The following MAL2 variants were observed in gnomAD, a reference collection of about 807,000 sequenced individuals.
MAL2 encodes protein MAL2.
In MAL2, 17 loss-of-function variants were observed where a neutral mutation model predicts 18.1. The observed-to-expected ratio is 0.94, with a 90% CI of 0.64 to 1.41. MAL2 has a LOEUF of 1.41. Ranked by LOEUF, MAL2 falls within the 40% of genes most tolerant of loss-of-function variation. The pLI is 0.00. For synonymous variants in MAL2, 102 were observed against 102.3 expected, an observed-to-expected ratio of 1.00 and a Z score of 0.02; for missense variants, 222 against 231.9, an observed-to-expected ratio of 0.96 and a Z score of 0.28.
intron 2 of MAL2, among the ~76,000 whole-genome samples, chr8:119,233,105 A>G (rs1817771675): frequency 6.6e-6 from 1 of 152,228 alleles, no homozygotes; most frequent in Non-Finnish European, 1.5e-5. Context: ...GTAGAAATAA[A>G]GATGTTCTTT....
Position 119,243,420 on chromosome 8 carries a change from T to C in MAL2, c.463T>C (p.Phe155Leu), listed in dbSNP as rs751516429. The C allele has an allele frequency of 1.3e-6, 2 of 1,589,578 alleles. No individual in the cohort carries two copies. Among genetic ancestry groups the C allele is most frequent in the South Asian group, 2.3e-5 (2 of 87,170 alleles). The change falls in exon 4 of 4, where the codon TTT becomes CTT. Residue 155 changes from phenylalanine (F) to leucine (L), a missense_variant. Transcript: ENST00000614891. Reference sequence around the variant, plus strand: ...ATTTTTGTTTCTTTTTTCTTAGATTTTTGCCTTTATGACGACAGCTTGTTA... The same window carrying C: ...ATTTTTGTTTCTTTTTTCTTAGATTCTTGCCTTTATGACGACAGCTTGTTA... Reference protein sequence around the residue: ...QYNINVAASIFAFMTTACYGC... With the variant: ...QYNINVAASILAFMTTACYGC...
intron 2 of MAL2, among the ~76,000 whole-genome samples, chr8:119,226,326 G>A (rs1234574288): frequency 6.6e-6 from 1 of 151,892 alleles, no homozygotes; most frequent in Non-Finnish European, 1.5e-5. Context: ...TAAGGTGTAA[G>A]GAAGGGATCC....
intron 2 of MAL2, among the ~76,000 whole-genome samples, chr8:119,239,417 A>T (rs1021626882): frequency 6.6e-6 from 1 of 151,624 alleles, no homozygotes. Context: ...CAGCCATCCC[A>T]TTACTGGGTC....
At chr8:119,217,700 G>T (rs1817380380) in intron 1 of MAL2, among the ~76,000 whole-genome samples, 1 of 152,156 alleles carries the variant, frequency 6.6e-6, no homozygotes, top group South Asian at 2.1e-4. Context: ...TTTCTTCACA[G>T]TGTGTACTCT....
intron 2 of MAL2, among the ~76,000 whole-genome samples, chr8:119,236,973 A>G (rs975885704): frequency 7.3e-4 from 110 of 151,558 alleles, no homozygotes; most frequent in African/African-American, 2.6e-3. Flanking sequence ...AGAGACACAA[A>G]AAACCCTTCA....
At chr8:119,215,971 T>A (rs1183115307) in intron 1 of MAL2, among the ~76,000 whole-genome samples, 4 of 152,212 alleles carry the variant, frequency 2.6e-5, no homozygotes, top group Non-Finnish European at 1.5e-5. Context: ...ATGCGAATTG[T>A]ATGTAAAATA....
Position 119,231,274 on chromosome 8 carries a change from C to T in MAL2, c.304-8891C>T, listed in dbSNP as rs192969214. Among the ~76,000 whole-genome samples the T allele has an allele frequency of 1.7e-3, 259 of 152,282 alleles. 1 individual carries two copies. Among genetic ancestry groups the T allele is most frequent in the African/African-American group, 5.0e-3 (208 of 41,556 alleles). On this transcript the variant is annotated intron_variant, in intron 2 of 3. Coordinates refer to ENST00000614891, the MANE Select transcript of MAL2 (RefSeq NM_052886.3). ...GTCTCTCTCTCCTGACCTCATGATCCGCCCGCCTTGACCTCCCAAAGTGCT... is the reference window on the plus strand; with the variant it reads ...GTCTCTCTCTCCTGACCTCATGATCTGCCCGCCTTGACCTCCCAAAGTGCT...
intron 3 of MAL2, 114 bp from the exon 4 acceptor site, chr8:119,243,303 G>A: frequency 1.7e-6 from 1 of 591,716 alleles, no homozygotes; most frequent in Non-Finnish European, 2.7e-6. Flanking sequence ...TTTTGTAAGT[G>A]TCGAAGTATC....
chr8:119,208,602 AT>A lies in MAL2; in HGVS notation c.132del (p.Leu45CysfsTer29). 1 of 1,341,456 alleles carries A rather than the reference AT, an allele frequency of 7.5e-7. No individual in the cohort carries two copies. The highest frequency in any genetic ancestry group is 2.0e-5 in the South Asian group (1 of 50,362). The allele number at this position is 1,341,456 out of a possible 1,614,324, so 83.1% of individuals were successfully genotyped here. A position where few individuals can be genotyped will look rare whatever the true frequency, so the allele number is the denominator to read the frequency against. ...TYSGAFVCLEILFGGLVWILV... is the reference protein window; with the variant it reads ...TYSGAFVCLEXLFGGLVWILV... The stretch of plus-strand genomic sequence containing the variant: ...CTCGGGCGCCTTCGTCTGCCTGGAG[AT>A]TGTAAGTGGGGCCGCCGGAGCGAGG... On this transcript the variant is annotated frameshift_variant and splice_region_variant, in exon 1 of 4. Transcript: ENST00000614891. LOFTEE classifies it high-confidence loss of function. The surrounding 1 kb of genome is among the most constrained non-coding windows in gnomAD (Gnocchi z 4.3).
intron 2 of MAL2, among the ~76,000 whole-genome samples, chr8:119,229,072 G>A (rs1817654032): frequency 1.3e-5 from 2 of 152,106 alleles, no homozygotes; most frequent in East Asian, 3.9e-4. Flanking sequence ...CCAGGTATGG[G>A]ATGGTTGATG....
chr8:119,227,365 TAAAAG>T lies in MAL2; in HGVS notation c.303+5610_303+5614del, dbSNP rs539278924. 1.8e-3 allele frequency among the ~76,000 whole-genome samples: 270 copies of T among 152,028 alleles called. 1 individual carries two copies. Among genetic ancestry groups the T allele is most frequent in the East Asian group, 1.4e-3 (7 of 5,168 alleles). On this transcript the variant is annotated intron_variant, in intron 2 of 3. Transcript: ENST00000614891. Reference sequence around the variant, plus strand: ...GGGAGATAACACTTGTAAAAGAAAATAAAAGAGGAAGTAAGATCAGGAAGAAAACC... The same window carrying T: ...GGGAGATAACACTTGTAAAAGAAAATAGGAAGTAAGATCAGGAAGAAAACC...
At chr8:119,235,184 C>T (rs1265818821) in intron 2 of MAL2, among the ~76,000 whole-genome samples, 9 of 152,094 alleles carry the variant, frequency 5.9e-5, no homozygotes, top group African/African-American at 1.9e-4. Context: ...GGAGCGAATG[C>T]GATCAACTGG....
At chr8:119,237,056 A>G (rs2129901977) in intron 2 of MAL2, among the ~76,000 whole-genome samples, 1 of 152,254 alleles carries the variant, frequency 6.6e-6, no homozygotes, top group South Asian at 2.1e-4. Flanking sequence ...CAAGACTAAT[A>G]AAGAAAAAAA....
intron 1 of MAL2, chr8:119,215,330 C>G (rs963159133): frequency 2.1e-4 from 32 of 152,170 alleles, no homozygotes; most frequent in Admixed American, 1.2e-3. Context: ...GAGTGTGTTC[C>G]TAGCATCCCA....
At position 119,236,743 on chromosome 8, in the gene MAL2, A is replaced by G. The variant is rs547839441; in HGVS notation, c.304-3422A>G. Among the ~76,000 whole-genome samples, 7 of 150,880 alleles carry G rather than the reference A, an allele frequency of 4.6e-5. No homozygotes were observed. The East Asian group carries it at 1.2e-3, about 25-fold the overall frequency. Reference sequence around the variant, plus strand: ...GAAATAAAGATGTTCTTTGAAACCAACGAGAACAAAGACACAACATAGCAG... The same window carrying G: ...GAAATAAAGATGTTCTTTGAAACCAGCGAGAACAAAGACACAACATAGCAG... On this transcript the variant is annotated intron_variant, in intron 2 of 3. Transcript: ENST00000614891.
At chr8:119,237,812 A>G (rs1817943035) in intron 2 of MAL2, among the ~76,000 whole-genome samples, 2 of 152,042 alleles carry the variant, frequency 1.3e-5, no homozygotes, top group East Asian at 1.9e-4. Flanking sequence ...GCTATCTATG[A>G]CAAACCCACA....
At chr8:119,229,349 A>G (rs1482041631) in intron 2 of MAL2, among the ~76,000 whole-genome samples, 13 of 132,820 alleles carry the variant, frequency 9.8e-5, no homozygotes, top group East Asian at 4.5e-4. Context: ...GTCTTGCTCT[A>G]TTGCCCAGGC....
chr8:119,230,470 C>T (rs894193024), intron 2 of MAL2, among the ~76,000 whole-genome samples: 1 of 152,016 alleles, frequency 6.6e-6, no homozygotes, highest in African/African-American at 2.4e-5. Context: ...GCAGTAATTG[C>T]TTGTGGGCAG....
At chr8:119,228,412 T>C (rs1180682867) in intron 2 of MAL2, among the ~76,000 whole-genome samples, 1 of 152,188 alleles carries the variant, frequency 6.6e-6, no homozygotes, top group Non-Finnish European at 1.5e-5. Flanking sequence ...AAACTCTTGC[T>C]TTTACCCCTA....
Sources: allele counts gnomAD v4.1 joint callset (sites outside exome capture counted in the v4.1 genomes callset), GRCh38; gene constraint gnomAD v4.1.1; non-coding constraint Gnocchi (gnomAD v3.1); transcripts MANE v1.5; gene names NCBI Gene and HGNC (gene_info 2026-07-23, HGNC 2026-07-21).